The following NRXN3 variants were observed in gnomAD, a reference collection of about 807,000 sequenced individuals.
The protein encoded by NRXN3 is neurexin III.
In NRXN3, 32 loss-of-function variants were observed where a neutral mutation model predicts 137.6. The observed-to-expected ratio is 0.23, with a 90% confidence interval of 0.18 to 0.31. The LOEUF is 0.31. Among genes scored for constraint, NRXN3 ranks in the 10% least tolerant of loss-of-function variants. The pLI is 1.00. For synonymous variants in NRXN3, 798 were observed against 784.5 expected, an observed-to-expected ratio of 1.02 and a Z score of -0.29; for missense variants, 1,574 against 2,062.5, an observed-to-expected ratio of 0.76 and a Z score of 4.59.
At chr14:79,517,287 C>G (rs981765298) in intron 16 of NRXN3, among the ~76,000 whole-genome samples, 6 of 152,074 alleles carry the variant, frequency 3.9e-5, no homozygotes, top group African/African-American at 1.4e-4. Context: ...TTTGTATGAA[C>G]TTTCTATTGA....
intron 15 of NRXN3, among the ~76,000 whole-genome samples, chr14:79,379,667 A>C (rs2094409126): frequency 2.0e-5 from 3 of 152,190 alleles, no homozygotes; most frequent in South Asian, 4.2e-4. Flanking sequence ...CTCACCATTA[A>C]CCATTTTCTT....
chr14:78,803,757 A>G lies in NRXN3; in HGVS notation c.2182A>G (p.Arg728Gly). 1 of 1,614,034 alleles carries G rather than the reference A, an allele frequency of 6.2e-7. No homozygotes were observed. The highest frequency in any genetic ancestry group is 1.1e-5 in the South Asian group (1 of 91,062). ...TGGGCTGCTGGTGGCTACGACCTCC[A>G]GGGACTCTGCCGACACCCTGCGTCT... ...AYGLLVATTS[R>G]DSADTLRLEL... Residue 728 changes from arginine to glycine, a missense_variant, in exon 9 of 21, where the codon AGG becomes GGG. By Grantham distance (125) the Arg-to-Gly change is moderately radical (BLOSUM62 -2). Around this residue, in one of 5 missense-constraint regions of NRXN3, gnomAD observed 718 missense variants for 887.6 expected, o/e 0.81. Coordinates refer to ENST00000335750, the MANE Select transcript of NRXN3 (RefSeq NM_001330195.2).
chr14:79,512,571 T>TA (rs1330553090), intron 16 of NRXN3, among the ~76,000 whole-genome samples: 1 of 152,244 alleles, frequency 6.6e-6, no homozygotes, highest in East Asian at 1.9e-4. Flanking sequence ...TTATGGTTCT[T>TA]ACGATGTACA....
At chr14:79,376,895 A>C (rs541464338) in intron 15 of NRXN3, among the ~76,000 whole-genome samples, 2 of 152,198 alleles carry the variant, frequency 1.3e-5, no homozygotes, top group African/African-American at 4.8e-5. Context: ...TTAATCTAAC[A>C]TGTTGCTTTT....
intron 16 of NRXN3, among the ~76,000 whole-genome samples, chr14:79,513,355 A>G (rs2153692633): frequency 6.6e-6 from 1 of 152,270 alleles, no homozygotes; most frequent in African/African-American, 2.4e-5. Context: ...TGCATTCAGG[A>G]CAGGAATTTA....
chr14:78,820,425 T>TA (rs10632138), intron 10 of NRXN3, among the ~76,000 whole-genome samples: 4,775 of 120,944 alleles, frequency 0.039, 223 homozygotes, highest in African/African-American at 0.096. Flanking sequence ...ATGTTATTTC[T>TA]AAAAAAAAAA....
At chr14:79,568,824 C>A (rs34304790) in intron 16 of NRXN3, among the ~76,000 whole-genome samples, 7 of 152,070 alleles carry the variant, frequency 4.6e-5, no homozygotes, top group Non-Finnish European at 8.8e-5. Context: ...CCATTTAGTC[C>A]CAAGCACCAT....
At chr14:79,798,977 G>A (rs1340868017) in intron 19 of NRXN3, among the ~76,000 whole-genome samples, 4 of 152,088 alleles carry the variant, frequency 2.6e-5, no homozygotes, top group Non-Finnish European at 4.4e-5. Flanking sequence ...GGAATTGGAA[G>A]GTAAATATAC....
intron 15 of NRXN3, among the ~76,000 whole-genome samples, chr14:79,016,776 C>T (rs9652299): frequency 0.33 from 49,563 of 152,156 alleles, 8,644 homozygotes; most frequent in Admixed American, 0.47. Flanking sequence ...TTTCTTCTTA[C>T]TCGCCAAGCT....
chr14:78,214,191 C>T (rs374632787), intron 1 of NRXN3, among the ~76,000 whole-genome samples: 1 of 152,316 alleles, frequency 6.6e-6, no homozygotes, highest in East Asian at 1.9e-4. Flanking sequence ...CTGTTCCAGC[C>T]CCACTGGCCT....
At chr14:78,996,702 G>C (rs988723321) in intron 15 of NRXN3, among the ~76,000 whole-genome samples, 1 of 152,118 alleles carries the variant, frequency 6.6e-6, no homozygotes, top group Non-Finnish European at 1.5e-5. Flanking sequence ...AAGCAGGGAG[G>C]AGGCTGAGTC....
chr14:78,796,871 G>T (rs142146107), intron 8 of NRXN3, among the ~76,000 whole-genome samples: 1 of 152,068 alleles, frequency 6.6e-6, no homozygotes, highest in African/African-American at 2.4e-5. Context: ...AAACAAAATC[G>T]TTCATTCTTG....
chr14:79,363,180 A>G (rs1451902664), intron 15 of NRXN3, among the ~76,000 whole-genome samples: 1 of 152,070 alleles, frequency 6.6e-6, no homozygotes, highest in Non-Finnish European at 1.5e-5. Flanking sequence ...TTGTATTTTT[A>G]GTAGAGACAG....
chr14:78,273,615 T>C (rs1386617043), intron 2 of NRXN3, among the ~76,000 whole-genome samples: 3 of 152,130 alleles, frequency 2.0e-5, no homozygotes, highest in East Asian at 1.9e-4. Context: ...CTGGGGTCTG[T>C]GTATGGAGGA....
At chr14:78,730,012 T>A (rs1367804428) in intron 8 of NRXN3, among the ~76,000 whole-genome samples, 1 of 152,146 alleles carries the variant, frequency 6.6e-6, no homozygotes, top group African/African-American at 2.4e-5. Flanking sequence ...TCACCCCCAA[T>A]AACAAGTTAG....
intron 4 of NRXN3, among the ~76,000 whole-genome samples, chr14:78,446,986 A>G (rs1482391160): frequency 6.6e-6 from 1 of 152,150 alleles, no homozygotes; most frequent in Non-Finnish European, 1.5e-5. Context: ...GTTGGGCCTG[A>G]GTGTTTCTGT....
At chr14:79,780,427 G>A (rs372519948) in intron 19 of NRXN3, among the ~76,000 whole-genome samples, 88 of 149,096 alleles carry the variant, frequency 5.9e-4, no homozygotes, top group Non-Finnish European at 1.1e-3. Context: ...AGTGAAACCC[G>A]GTCTCTACTA....
intron 7 of NRXN3, among the ~76,000 whole-genome samples, chr14:78,710,295 G>C (rs1376062240): frequency 7.0e-6 from 1 of 143,772 alleles, no homozygotes; most frequent in Non-Finnish European, 1.5e-5. Context: ...TGTTTAAATG[G>C]CTTTGTTTCT....
intron 18 of NRXN3, among the ~76,000 whole-genome samples, chr14:79,695,651 A>C (rs911887539): frequency 6.6e-5 from 10 of 151,936 alleles, no homozygotes; most frequent in East Asian, 3.9e-4. Flanking sequence ...AAAAAAAAAA[A>C]AAAACTGTCA....
Sources: allele counts gnomAD v4.1 joint callset (sites outside exome capture counted in the v4.1 genomes callset), GRCh38; gene constraint gnomAD v4.1.1; regional missense constraint gnomAD v4.1.1; transcripts MANE v1.5; gene names NCBI Gene and HGNC (gene_info 2026-07-23, HGNC 2026-07-21).